Variants in SLC24A2 observed in about 807,000 individuals in gnomAD.
SLC24A2 encodes solute carrier family 24 member 2.
In SLC24A2, 36 loss-of-function variants were observed where a neutral mutation model predicts 62.0. That is an observed-to-expected ratio of 0.58 (90% CI 0.44 to 0.77). The LOEUF is 0.77. Among genes scored for constraint, SLC24A2 ranks in the 30% least tolerant of loss-of-function variants. SLC24A2 has a pLI of 0.00. For synonymous variants in SLC24A2, 358 were observed against 294.0 expected, an observed-to-expected ratio of 1.22 and a Z score of -2.23; for missense variants, 846 against 817.9, an observed-to-expected ratio of 1.03 and a Z score of -0.42.
the SLC24A2 span, among the ~76,000 whole-genome samples, chr9:20,145,484 A>G: frequency 6.9e-3 from 1,051 of 152,110 alleles, 19 homozygotes; most frequent in African/African-American, 0.024. Flanking sequence ...TTTATTCTCG[A>G]TTATAGTGAT....
chr9:19,744,880 C>T (rs1308068348), intron 2 of SLC24A2, among the ~76,000 whole-genome samples: 1 of 152,148 alleles, frequency 6.6e-6, no homozygotes, highest in African/African-American at 2.4e-5. Flanking sequence ...ATCCACGGTT[C>T]TCTCCTTATC....
rs12235729 is a variant in SLC24A2 at position 19,759,787 on chromosome 9, T to G, written c.930+26150A>C. On this transcript the variant is annotated intron_variant, in intron 2 of 10. Transcript: ENST00000341998. ...CTTACAGTTCACTGACTTCTTTCTA[T>G]GTTTCCACCATAAACCATATACTGG... 9.6e-3 allele frequency among the ~76,000 whole-genome samples: 1,467 copies of G among 152,306 alleles called. 25 individuals are homozygous for G. Among genetic ancestry groups the G allele is most frequent in the South Asian group, 0.064 (306 of 4,818 alleles).
the SLC24A2 span, among the ~76,000 whole-genome samples, chr9:20,102,559 G>A: frequency 6.6e-6 from 1 of 151,848 alleles, no homozygotes; most frequent in Admixed American, 6.6e-5. Context: ...GGGTTGATGG[G>A]TGCAGCAAAC....
At chr9:20,057,230 A>G in the SLC24A2 span, among the ~76,000 whole-genome samples, 7 of 152,192 alleles carry the variant, frequency 4.6e-5, no homozygotes, top group Non-Finnish European at 1.0e-4. Flanking sequence ...TTTTTTAAAA[A>G]AGCTAAATTT....
chr9:20,291,782 T>G, the SLC24A2 span, among the ~76,000 whole-genome samples: 74 of 152,256 alleles, frequency 4.9e-4, no homozygotes, highest in African/African-American at 1.8e-3. Flanking sequence ...TTGTAGCAGA[T>G]CTAGGGATCA....
chr9:19,661,094 T>C (rs767473255), intron 2 of SLC24A2, among the ~76,000 whole-genome samples: 18 of 152,274 alleles, frequency 1.2e-4, no homozygotes, highest in Middle Eastern at 3.4e-3. Flanking sequence ...TTTATTGCTT[T>C]TTGCTCTTGT....
the SLC24A2 span, among the ~76,000 whole-genome samples, chr9:20,284,232 C>T: frequency 2.0e-5 from 3 of 152,106 alleles, no homozygotes; most frequent in South Asian, 2.1e-4. Flanking sequence ...ACTGGTGATC[C>T]TCACATGAAG....
At chr9:20,206,183 G>T in the SLC24A2 span, among the ~76,000 whole-genome samples, 2 of 152,050 alleles carry the variant, frequency 1.3e-5, no homozygotes, top group African/African-American at 4.8e-5. Flanking sequence ...GTCAAGTTTT[G>T]GCATCATGTC....
At chr9:19,703,960 T>C (rs1029116933) in intron 2 of SLC24A2, among the ~76,000 whole-genome samples, 2 of 152,228 alleles carry the variant, frequency 1.3e-5, no homozygotes, top group African/African-American at 4.8e-5. Context: ...ATGCTAATAT[T>C]TGTAAGAATG....
chr9:19,631,204 C>G (rs2117986165), intron 2 of SLC24A2, among the ~76,000 whole-genome samples: 1 of 152,262 alleles, frequency 6.6e-6, no homozygotes, highest in Non-Finnish European at 1.5e-5. Context: ...TAAGTTAAAT[C>G]AGATCTTATA....
the SLC24A2 span, among the ~76,000 whole-genome samples, chr9:20,269,259 T>C: frequency 1.3e-5 from 2 of 152,126 alleles, no homozygotes; most frequent in Admixed American, 6.5e-5. Context: ...TCCAGTACTC[T>C]GGAGGGCAGG....
At chr9:20,038,213 C>A in the SLC24A2 span, among the ~76,000 whole-genome samples, 1 of 152,204 alleles carries the variant, frequency 6.6e-6, no homozygotes, top group Non-Finnish European at 1.5e-5. Context: ...CATTTCCCAG[C>A]TGTGTAAGCT....
At chr9:19,637,221 A>G (rs894312667) in intron 2 of SLC24A2, among the ~76,000 whole-genome samples, 13 of 152,172 alleles carry the variant, frequency 8.5e-5, no homozygotes, top group African/African-American at 2.9e-4. Context: ...TCACACTGAC[A>G]AGTTCTCAAT....
At chr9:19,811,979 G>A in the SLC24A2 span, among the ~76,000 whole-genome samples, 3 of 151,822 alleles carry the variant, frequency 2.0e-5, no homozygotes, top group Admixed American at 6.6e-5. Context: ...ATTCTGTTTT[G>A]TTTATTTGAA....
chr9:19,720,940 G>T (rs533963235), intron 2 of SLC24A2, among the ~76,000 whole-genome samples: 16 of 149,626 alleles, frequency 1.1e-4, no homozygotes, highest in South Asian at 6.5e-4. Context: ...ATATTTTCAA[G>T]ATTTGATTGT....
At chr9:19,827,128 C>T in the SLC24A2 span, among the ~76,000 whole-genome samples, 6 of 152,138 alleles carry the variant, frequency 3.9e-5, no homozygotes, top group Non-Finnish European at 8.8e-5. Context: ...CACAAAACCA[C>T]CAGCATGAGG....
At chr9:19,557,521 C>T (rs1348299094) in intron 7 of SLC24A2, among the ~76,000 whole-genome samples, 1 of 152,174 alleles carries the variant, frequency 6.6e-6, no homozygotes, top group East Asian at 1.9e-4. Flanking sequence ...CTTTAATCAT[C>T]CATGTGTAAT....
chr9:20,078,365 T>A, the SLC24A2 span, among the ~76,000 whole-genome samples: 289 of 124,708 alleles, frequency 2.3e-3, 1 homozygote, highest in Non-Finnish European at 3.6e-3. Context: ...TTAACTAGAA[T>A]GGCAGCATCA....
At chr9:20,232,826 A>G in the SLC24A2 span, among the ~76,000 whole-genome samples, 235 of 152,046 alleles carry the variant, frequency 1.5e-3, no homozygotes, top group Non-Finnish European at 2.9e-3. Context: ...TTAGGGTGTC[A>G]ATTTTAGATC....
Sources: gnomAD v4.1 joint callset for allele counts (sites outside exome capture counted in the v4.1 genomes callset) on GRCh38, gnomAD v4.1.1 for gene constraint, MANE v1.5 for transcripts, NCBI Gene and HGNC (gene_info 2026-07-23, HGNC 2026-07-21) for gene names.